Variants in AP3S2 observed in about 807,000 individuals in gnomAD.
The protein encoded by AP3S2 is adaptor related protein complex 3 subunit sigma 2, also known as AP-3 complex subunit sigma-2.
A neutral mutation model predicts 23.4 loss-of-function variants in AP3S2; 22 were observed. The observed-to-expected ratio is 0.94, with a 90% CI of 0.67 to 1.34. The LOEUF (loss-of-function observed/expected upper bound fraction) is 1.34. AP3S2 is among the 40% of genes most tolerant of loss of function. The pLI is 0.00. For synonymous variants in AP3S2, 86 were observed against 87.1 expected (o/e 0.99, Z 0.07); for missense variants, 241 against 236.9 (o/e 1.02, Z -0.11).
At chr15:89,857,061 AGAGCAT>A (rs915525580) in intron 4 of AP3S2, among the ~76,000 whole-genome samples, 1 of 152,206 alleles carries the variant, frequency 6.6e-6, no homozygotes, top group Non-Finnish European at 1.5e-5. Flanking sequence ...TAAAAACTTG[AGAGCAT>A]GAGCAAGAAG....
chr15:89,891,167 G>C (rs1016343868), intron 1 of AP3S2, among the ~76,000 whole-genome samples: 2 of 152,028 alleles, frequency 1.3e-5, no homozygotes, highest in Non-Finnish European at 2.9e-5. Context: ...TCAATAAAAA[G>C]GTAAACTACC....
chr15:89,835,968 C>T (rs1025965062), intron 5 of AP3S2, among the ~76,000 whole-genome samples: 1 of 152,064 alleles, frequency 6.6e-6, no homozygotes, highest in African/African-American at 2.4e-5. Flanking sequence ...GCGGAGGTTG[C>T]GGTGAGCTGA....
Position 89,855,393 on chromosome 15 carries a change from AG to A in AP3S2, c.345+16081del, listed in dbSNP as rs1895802759. 2.6e-5 allele frequency among the ~76,000 whole-genome samples: 2 copies of A among 77,256 alleles called. 1 individual carries two copies. Among genetic ancestry groups the A allele is most frequent in the Non-Finnish European group, 5.3e-5 (2 of 37,888 alleles). 50.7% of individuals were successfully genotyped at this position (77,256 alleles called of 152,430 possible). A position where few individuals can be genotyped will look rare whatever the true frequency, so the allele number is the denominator to read the frequency against. On this transcript the variant is annotated intron_variant, in intron 4 of 5. Transcript: ENST00000336418. ...TAATCAGGGACACAAACACTGCGGA[AG>A]GCCACAGGGTCCTCTGCCTAGGAAA...
intron 1 of AP3S2, among the ~76,000 whole-genome samples, chr15:89,891,181 T>G (rs7171867): frequency 0.26 from 39,725 of 152,096 alleles, 7,659 homozygotes; most frequent in East Asian, 0.6. Flanking sequence ...AACTACCAAT[T>G]GCTTACATGC....
chr15:89,890,433 CAT>C (rs1896794174), intron 1 of AP3S2, among the ~76,000 whole-genome samples: 1 of 152,190 alleles, frequency 6.6e-6, no homozygotes, highest in Non-Finnish European at 1.5e-5. Context: ...TCTAATTATA[CAT>C]ATGAGTTTCA....
intron 3 of AP3S2, among the ~76,000 whole-genome samples, chr15:89,879,196 T>C (rs1036837522): frequency 1.3e-5 from 2 of 152,254 alleles, no homozygotes; most frequent in Non-Finnish European, 2.9e-5. Flanking sequence ...ATTCTTAATA[T>C]TCAAAAGTCA....
intron 4 of AP3S2, among the ~76,000 whole-genome samples, chr15:89,854,522 G>A (rs1388828308): frequency 1.1e-5 from 1 of 92,102 alleles, no homozygotes; most frequent in African/African-American, 4.1e-5. Context: ...AGGGAGGTGG[G>A]GGGGGTCAGC....
chr15:89,886,319 T>A (rs1896700661), intron 3 of AP3S2, among the ~76,000 whole-genome samples: 4 of 151,960 alleles, frequency 2.6e-5, no homozygotes, highest in African/African-American at 9.7e-5. Context: ...CACTCTAGAC[T>A]GGCAACAGAG....
At chr15:89,867,323 GC>G (rs1473533570) in intron 4 of AP3S2, among the ~76,000 whole-genome samples, 1 of 151,224 alleles carries the variant, frequency 6.6e-6, no homozygotes. Context: ...GCTCAATGGT[GC>G]CCAGGCTGGA....
chr15:89,853,721 C>G (rs55731937), intron 4 of AP3S2, among the ~76,000 whole-genome samples: 1 of 129,660 alleles, frequency 7.7e-6, no homozygotes, highest in East Asian at 2.3e-4. Context: ...TCTGCCCGGC[C>G]GCCCATCGTC....
intron 3 of AP3S2, among the ~76,000 whole-genome samples, chr15:89,872,036 A>G (rs2141882102): frequency 6.6e-6 from 1 of 151,790 alleles, no homozygotes; most frequent in South Asian, 2.1e-4. Flanking sequence ...AGCTTGAATG[A>G]GAATCATTTG....
chr15:89,858,682 C>G (rs1258773715), intron 4 of AP3S2, among the ~76,000 whole-genome samples: 1 of 151,998 alleles, frequency 6.6e-6, no homozygotes, highest in African/African-American at 2.4e-5. Context: ...AATCAGCAAC[C>G]AAAGCAAAAT....
At position 89,835,228 on chromosome 15, in the gene AP3S2, C is replaced by T; in HGVS notation, c.*287G>A. On this transcript the variant is annotated 3_prime_UTR_variant, in exon 6 of 6. Coordinates refer to ENST00000336418, the MANE Select transcript of AP3S2 (RefSeq NM_005829.5). ...ATGTGAGAGGTAAAGGTGCAAATGACTTGGGCATGTTGACTCCCTACTGAG... is the reference window on the plus strand; with the variant it reads ...ATGTGAGAGGTAAAGGTGCAAATGATTTGGGCATGTTGACTCCCTACTGAG... 1 of 500,318 alleles carries T rather than the reference C, an allele frequency of 2.0e-6. No individual in the cohort carries two copies. Among genetic ancestry groups the T allele is most frequent in the African/African-American group, 1.9e-5 (1 of 51,380 alleles). The allele number at this position is 500,318 out of a possible 1,614,324, so 31.0% of individuals were successfully genotyped here.
chr15:89,858,796 C>T (rs1461992832), intron 4 of AP3S2, among the ~76,000 whole-genome samples: 5 of 152,276 alleles, frequency 3.3e-5, no homozygotes, highest in Non-Finnish European at 7.4e-5. Context: ...AAAACGGCTG[C>T]ATATCAAATG....
chr15:89,893,993 G>T lies in AP3S2; in HGVS notation c.-44C>A. ...TCTCAGCACCGGCTACTCCCAGAAA[G>T]CTCCTCCTTCCGCCACAACACGATC... On this transcript the variant is annotated 5_prime_UTR_variant, in exon 1 of 6. Coordinates refer to ENST00000336418, the MANE Select transcript of AP3S2 (RefSeq NM_005829.5). 6.5e-7 allele frequency: 1 copy of T among 1,540,196 alleles called. No homozygotes were observed.
chr15:89,846,407 G>T (rs961793645), intron 4 of AP3S2, among the ~76,000 whole-genome samples: 2 of 151,920 alleles, frequency 1.3e-5, no homozygotes, highest in African/African-American at 2.4e-5. Flanking sequence ...GCCCAGGATG[G>T]AATACAGTGG....
At chr15:89,866,967 ACTCCCCCTTTTCCCCTCTCCCT>A (rs1896139615) in intron 4 of AP3S2, among the ~76,000 whole-genome samples, 1 of 121,536 alleles carries the variant, frequency 8.2e-6, no homozygotes, top group Admixed American at 8.5e-5. Context: ...TGCTTTGAAA[ACTCCCCCTTTTCCCCTCTCCCT>A]CTCCCTCTCC....
rs80004151 is a variant in AP3S2, at chr15:89,868,709, C to T, written c.345+2766G>A. On this transcript the variant is annotated intron_variant, in intron 4 of 5. Coordinates refer to ENST00000336418, the MANE Select transcript of AP3S2 (RefSeq NM_005829.5). Reference sequence around the variant, plus strand: ...GAGGGAGGTGGGGGGGTCAGCCCTCCGCCCGGCCAGCCGCCCCGTCTGGGA... The same window carrying T: ...GAGGGAGGTGGGGGGGTCAGCCCTCTGCCCGGCCAGCCGCCCCGTCTGGGA... Among the ~76,000 whole-genome samples the T allele has an allele frequency of 1.2e-4, 12 of 102,298 alleles. No individual in the cohort carries two copies. In the South Asian group the frequency reaches 2.8e-3, roughly 24 times the overall value. The allele number at this position is 102,298 out of a possible 152,430, so 67.1% of individuals were successfully genotyped here.
chr15:89,844,229 TTC>T lies in AP3S2; in HGVS notation c.346-6509_346-6508del, dbSNP rs1455303259. Among the ~76,000 whole-genome samples, 4 of 54,632 alleles carry T rather than the reference TTC, an allele frequency of 7.3e-5. 1 individual carries two copies. The South Asian group carries it at 1.7e-3, about 23-fold the overall frequency. The allele number at this position is 54,632 out of a possible 152,430, so 35.8% of individuals were successfully genotyped here. On this transcript the variant is annotated intron_variant, in intron 4 of 5. Transcript: ENST00000336418. ...TCTTTCTCTTTCTTTCTTTCTTTCT[TTC>T]TTTCTTTCTTTCTTTCTTTCTTTCT...
Sources: allele counts gnomAD v4.1 joint callset (sites outside exome capture counted in the v4.1 genomes callset), GRCh38; gene constraint gnomAD v4.1.1; transcripts MANE v1.5; gene names NCBI Gene and HGNC (gene_info 2026-07-23, HGNC 2026-07-21).